RALGAPA1: variants seen among roughly 807,000 people sequenced by gnomAD.
The protein encoded by RALGAPA1 is ral GTPase-activating protein subunit alpha-1.
RALGAPA1 carries 52 observed loss-of-function variants against 269.6 expected under a neutral mutation model. The observed-to-expected ratio is 0.19, with a 90% CI of 0.15 to 0.24. RALGAPA1 has a LOEUF of 0.24. Ranked by LOEUF, RALGAPA1 falls within the 10% of genes least tolerant of loss-of-function variation. RALGAPA1 has a pLI of 1.00. For synonymous variants in RALGAPA1, 817 were observed against 1,008.3 expected (o/e 0.81, Z 3.60); for missense variants, 1,917 against 3,013.9 (o/e 0.64, Z 8.52).
At chr14:35,643,503 T>C (rs1292793830) in intron 31 of RALGAPA1, among the ~76,000 whole-genome samples, 2 of 152,100 alleles carry the variant, frequency 1.3e-5, no homozygotes, top group African/African-American at 4.8e-5. Flanking sequence ...CAAAGATAAC[T>C]ACTATATGAT....
rs1280567201 is a variant in RALGAPA1, at chr14:35,639,954, A to AG, written c.5677-4357_5677-4356insC. Among the ~76,000 whole-genome samples, 3 of 151,972 alleles carry AG rather than the reference A, an allele frequency of 2.0e-5. No homozygotes were observed. The East Asian group carries it at 5.8e-4, about 29-fold the overall frequency. ...ACTCTGTCTCAAAAGAAAAAAAAAA[A>AG]AAAGAAATTAAACAATATCTTCCTG... On this transcript the variant is annotated intron_variant, in intron 31 of 41. Transcript: ENST00000680220.
At chr14:35,760,333 G>C (rs531951600) in intron 6 of RALGAPA1, among the ~76,000 whole-genome samples, 46 of 151,250 alleles carry the variant, frequency 3.0e-4, no homozygotes, top group African/African-American at 1.1e-3. Flanking sequence ...AACCAGTCCA[G>C]AGCCCACACC....
intron 1 of RALGAPA1, among the ~76,000 whole-genome samples, chr14:35,797,648 C>T (rs2076673736): frequency 6.6e-6 from 1 of 151,716 alleles, no homozygotes; most frequent in Admixed American, 6.6e-5. Context: ...GAGTTCGAGA[C>T]CAGCCTTACC....
At chr14:35,661,108 A>C (rs2063510158) in intron 27 of RALGAPA1, among the ~76,000 whole-genome samples, 1 of 150,684 alleles carries the variant, frequency 6.6e-6, no homozygotes, top group African/African-American at 2.5e-5. Context: ...ACCTGCTAAG[A>C]CAGTAGATCT....
At chr14:35,768,120 T>C (rs2074302843) in intron 4 of RALGAPA1, among the ~76,000 whole-genome samples, 1 of 152,138 alleles carries the variant, frequency 6.6e-6, no homozygotes, top group South Asian at 2.1e-4. Context: ...TCACCCCAAT[T>C]GGAGTGTAGC....
intron 36 of RALGAPA1, among the ~76,000 whole-genome samples, chr14:35,601,164 G>T (rs898650207): frequency 6.6e-6 from 1 of 152,196 alleles, no homozygotes; most frequent in Non-Finnish European, 1.5e-5. Flanking sequence ...CTACTGCTGG[G>T]TGATGGTAAA....
At chr14:35,693,401 G>A (rs2066652043) in intron 17 of RALGAPA1, among the ~76,000 whole-genome samples, 2 of 151,634 alleles carry the variant, frequency 1.3e-5, no homozygotes, top group African/African-American at 4.8e-5. Flanking sequence ...AAATAAAAAT[G>A]CCCTCAAAAC....
At chr14:35,750,840 C>T (rs1037651832) in intron 8 of RALGAPA1, 150 bp from the exon 9 acceptor site, 1 of 650,876 alleles carries the variant, frequency 1.5e-6, no homozygotes, top group Non-Finnish European at 2.6e-6. Flanking sequence ...CAAAATTTGC[C>T]AGATGTTTGC....
intron 1 of RALGAPA1, among the ~76,000 whole-genome samples, chr14:35,787,459 T>C (rs1250605545): frequency 6.6e-6 from 1 of 152,226 alleles, no homozygotes; most frequent in Non-Finnish European, 1.5e-5. Flanking sequence ...CCTCTTATCC[T>C]AGTTATTCTA....
intron 16 of RALGAPA1, among the ~76,000 whole-genome samples, chr14:35,720,033 T>C (rs1212760567): frequency 1.3e-5 from 2 of 152,204 alleles, no homozygotes; most frequent in African/African-American, 4.8e-5. Flanking sequence ...ATTACAGGCG[T>C]AAGCCACCGC....
intron 4 of RALGAPA1, chr14:35,766,355 G>T: frequency 7.4e-7 from 1 of 1,344,352 alleles, no homozygotes; most frequent in South Asian, 1.2e-5. Flanking sequence ...TGACAAATGT[G>T]AGCAAACTAT....
At position 35,660,089 on chromosome 14, in the gene RALGAPA1, A is replaced by C. The variant is rs144497234; in HGVS notation, c.5329-893T>G. ...TCATAATCAACAGCGAAAAGCTGAA[A>C]GGTTTTACTTTAAGATTAGGAACAA... On this transcript the variant is annotated intron_variant, in intron 27 of 41. Coordinates refer to ENST00000680220, the MANE Select transcript of RALGAPA1 (RefSeq NM_001346249.2). 2.7e-3 allele frequency among the ~76,000 whole-genome samples: 413 copies of C among 152,248 alleles called. 6 individuals are homozygous for C. The highest frequency in any genetic ancestry group is 4.7e-4 in the Non-Finnish European group (32 of 67,926).
chr14:35,576,720 C>A (rs1339822248), intron 37 of RALGAPA1, among the ~76,000 whole-genome samples: 1 of 152,110 alleles, frequency 6.6e-6, no homozygotes, highest in Non-Finnish European at 1.5e-5. Flanking sequence ...TTATTATTAT[C>A]CCTATTTTTA....
At chr14:35,734,313 G>T (rs561892567) in intron 12 of RALGAPA1, among the ~76,000 whole-genome samples, 32 of 152,210 alleles carry the variant, frequency 2.1e-4, no homozygotes, top group Admixed American at 1.4e-3. Context: ...TATACTGTAA[G>T]GCCATGGTCA....
chr14:35,788,075 G>A (rs924324530), intron 1 of RALGAPA1, among the ~76,000 whole-genome samples: 3 of 152,046 alleles, frequency 2.0e-5, no homozygotes, highest in East Asian at 3.9e-4. Context: ...GGATTCAAGC[G>A]ATTCTCCTGC....
rs1327625114 is a variant in RALGAPA1 at position 35,595,726 on chromosome 14, T to C, written c.7117A>G (p.Thr2373Ala). ...GTAGAGGTAGCAAAATATGGAGTGGTCAATCCAGTGCTTTTGTTTTTTTGT... is the reference window on the plus strand; with the variant it reads ...GTAGAGGTAGCAAAATATGGAGTGGCCAATCCAGTGCTTTTGTTTTTTTGT... ...GLQKNKSTGLTTPYFATSTVE... is the reference protein window; with the variant it reads ...GLQKNKSTGLATPYFATSTVE... The change falls in exon 37 of 42, where the codon ACC becomes GCC. Residue 2373 changes from threonine (T) to alanine (A), a missense_variant. This residue lies in a region of RALGAPA1 where 132 missense variants were observed against 271.2 expected (regional missense o/e 0.49). Coordinates refer to ENST00000680220, the MANE Select transcript of RALGAPA1 (RefSeq NM_001346249.2). The C allele has an allele frequency of 3.7e-6, 6 of 1,612,370 alleles. No homozygotes were observed. In the Admixed American group the frequency reaches 6.7e-5, roughly 18 times the overall value.
chr14:35,714,077 A>C (rs1479236319), intron 16 of RALGAPA1, among the ~76,000 whole-genome samples: 1 of 151,678 alleles, frequency 6.6e-6, no homozygotes, highest in Admixed American at 6.6e-5. Context: ...CCTGGGTGAC[A>C]GAGCAAGACT....
chr14:35,650,999 C>T (rs1294198881), intron 31 of RALGAPA1, among the ~76,000 whole-genome samples: 3 of 150,788 alleles, frequency 2.0e-5, no homozygotes, highest in Admixed American at 1.3e-4. Context: ...GAAAGCAATA[C>T]ACAGTTAGTA....
chr14:35,762,110 T>C (rs1357756590), intron 5 of RALGAPA1, among the ~76,000 whole-genome samples: 1 of 152,194 alleles, frequency 6.6e-6, no homozygotes, highest in Non-Finnish European at 1.5e-5. Flanking sequence ...GTTGAATGAC[T>C]AAACAATGTT....
Sources: allele counts gnomAD v4.1 joint callset (sites outside exome capture counted in the v4.1 genomes callset), GRCh38; gene constraint gnomAD v4.1.1; regional missense constraint gnomAD v4.1.1; transcripts MANE v1.5; gene names NCBI Gene and HGNC (gene_info 2026-07-23, HGNC 2026-07-21).